Variants in FBLN2 observed in about 807,000 individuals in gnomAD.
FBLN2 encodes fibulin-2.
Under a neutral mutation model 123.7 loss-of-function variants are expected in FBLN2, and 81 were observed. The ratio of observed to expected loss-of-function variants is 0.65; its 90% CI spans 0.55 to 0.79. FBLN2 has a LOEUF of 0.79. Among genes scored for constraint, FBLN2 ranks in the 30% least tolerant of loss-of-function variants. The pLI, the probability that FBLN2 is intolerant of heterozygous loss-of-function variation, is 0.00. For synonymous variants in FBLN2, 699 were observed against 701.4 expected, an observed-to-expected ratio of 1.00 and a Z score of 0.05; for missense variants, 1,603 against 1,681.3, an observed-to-expected ratio of 0.95 and a Z score of 0.81.
At position 13,570,387 on chromosome 3, in the gene FBLN2, G is replaced by C; in HGVS notation, c.32G>C (p.Trp11Ser). ...CTGCTCTGGGAGCCTGCAGGAGCCT[G>C]GCTTGCTCTGGGCCTGGCCCTGGCC... Reference protein sequence around the residue: MVLLWEPAGAWLALGLALALG... With the variant: MVLLWEPAGASLALGLALALG... Residue 11 changes from tryptophan (W) to serine (S), a missense_variant, in exon 2 of 18, where the codon TGG (tryptophan) becomes TCG (serine). Coordinates refer to ENST00000404922, the MANE Select transcript of FBLN2 (RefSeq NM_001004019.2). 6.3e-7 allele frequency: 1 copy of C among 1,575,354 alleles called. No individual in the cohort carries two copies. Among genetic ancestry groups the C allele is most frequent in the Non-Finnish European group, 8.6e-7 (1 of 1,160,634 alleles).
At chr3:13,574,716 G>A (rs1704077955) in intron 2 of FBLN2, among the ~76,000 whole-genome samples, 1 of 152,120 alleles carries the variant, frequency 6.6e-6, no homozygotes, top group South Asian at 2.1e-4. Context: ...GCTGAGCAGG[G>A]CAAAGCCACC....
chr3:13,584,558 C>T (rs1469891163), intron 2 of FBLN2, among the ~76,000 whole-genome samples: 1 of 152,178 alleles, frequency 6.6e-6, no homozygotes, highest in African/African-American at 2.4e-5. Context: ...GCAGGGGAGA[C>T]TGGTGAGAGC....
In FBLN2 at chr3:13,633,445, C is replaced by T. The variant is rs74549488; in HGVS notation, c.3214+1988C>T. Reference sequence around the variant, plus strand: ...TGCCGCCCTCGCTTGCTCTCCAGACCTTCCTTCTGGAAGAGCCTTCTGACT... The same window carrying T: ...TGCCGCCCTCGCTTGCTCTCCAGACTTTCCTTCTGGAAGAGCCTTCTGACT... On this transcript the variant is annotated intron_variant, in intron 16 of 17. Transcript: ENST00000404922. Among the ~76,000 whole-genome samples, 1,846 of 152,388 alleles carry T rather than the reference C, an allele frequency of 0.012. 134 individuals are homozygous for T. In the East Asian group the frequency reaches 0.2, roughly 17 times the overall value.
chr3:13,590,347 A>G (rs1704630463), intron 2 of FBLN2, among the ~76,000 whole-genome samples: 1 of 150,002 alleles, frequency 6.7e-6, no homozygotes, highest in African/African-American at 2.5e-5. Flanking sequence ...ATTTATCGAG[A>G]CAGAGTCTCA....
In FBLN2 at chr3:13,625,753, C is replaced by T. The variant is rs78571429; in HGVS notation, c.2297-692C>T. Among the ~76,000 whole-genome samples, 1,259 of 151,956 alleles carry T rather than the reference C, an allele frequency of 8.3e-3. 14 individuals carry two copies. Among genetic ancestry groups the T allele is most frequent in the African/African-American group, 0.029 (1,197 of 41,384 alleles). Reference sequence around the variant, plus strand: ...GAATCTCCTGCCTGGATCCTCACCCCTATTCTCCAGCCCCTGCCAGGGATC... The same window carrying T: ...GAATCTCCTGCCTGGATCCTCACCCTTATTCTCCAGCCCCTGCCAGGGATC... On this transcript the variant is annotated intron_variant, in intron 9 of 17. Transcript: ENST00000404922.
chr3:13,599,496 G>T (rs1278419338), intron 2 of FBLN2, among the ~76,000 whole-genome samples: 2 of 152,216 alleles, frequency 1.3e-5, no homozygotes, highest in African/African-American at 4.8e-5. Flanking sequence ...TGTAAGGAAA[G>T]TGGAGACCAC....
Position 13,618,910 on chromosome 3 carries a change from A to G in FBLN2, c.1946A>G (p.His649Arg). The G allele has an allele frequency of 6.2e-7, 1 of 1,611,900 alleles. No individual in the cohort carries two copies. Among genetic ancestry groups the G allele is most frequent in the Non-Finnish European group, 8.5e-7 (1 of 1,179,156 alleles). The change falls in exon 7 of 18, where the codon CAC (histidine) becomes CGC (arginine). Residue 649 changes from histidine (H) to arginine (R), a missense_variant. By Grantham distance (29) the His-to-Arg change is conservative. Transcript: ENST00000404922. ...TCTGCTCTACCCATGACAGAGGGTC[A>G]CCCTCCACAGCCGGAAGCCCCACAG... ...DDGRTCRPEG[H>R]PPQPEAPQEP...
intron 3 of FBLN2, 46 bp downstream of exon 3, chr3:13,608,219 T>TC (rs1368810773): frequency 7.1e-7 from 1 of 1,405,592 alleles, no homozygotes; most frequent in African/African-American, 1.4e-5. Flanking sequence ...ATTTGCCTTC[T>TC]CCAGAACCCT....
At chr3:13,619,097 G>C in intron 7 of FBLN2, 80 bp downstream of exon 7, 2 of 1,044,098 alleles carry the variant, frequency 1.9e-6, no homozygotes, top group African/African-American at 1.6e-5. Flanking sequence ...GTGGTGAGCT[G>C]TCTGGTGCTG....
chr3:13,603,933 C>T (rs1705122345), intron 2 of FBLN2, among the ~76,000 whole-genome samples: 1 of 152,160 alleles, frequency 6.6e-6, no homozygotes, highest in South Asian at 2.1e-4. Context: ...ACCATTCTGA[C>T]TGGTGTGAGA....
rs1705328120 is a variant in FBLN2 at position 13,609,715 on chromosome 3, C to T, written c.1548+73C>T. ...GGGAGGCTGGCCTGGGCCTGAAGGT[C>T]CTCGTGGCCCAAGAAGTTAGGCTGT... On this transcript the variant is annotated intron_variant, in intron 4 of 17. Transcript: ENST00000404922. 6 of 1,520,002 alleles carry T rather than the reference C, an allele frequency of 3.9e-6. No individual in the cohort carries two copies. In the East Asian group the frequency reaches 1.5e-4, roughly 37 times the overall value. The allele number at this position is 1,520,002 out of a possible 1,614,324, so 94.2% of individuals were successfully genotyped here. A position where few individuals can be genotyped will look rare whatever the true frequency, so the allele number is the denominator to read the frequency against.
intron 1 of FBLN2, among the ~76,000 whole-genome samples, chr3:13,562,270 T>C (rs557668810): frequency 6.6e-6 from 1 of 152,268 alleles, no homozygotes; most frequent in South Asian, 2.1e-4. Context: ...TTCTCCCTGT[T>C]CTTTGGTTAT....
chr3:13,583,957 C>T (rs560964721), intron 2 of FBLN2, among the ~76,000 whole-genome samples: 448 of 152,318 alleles, frequency 2.9e-3, no homozygotes, highest in Admixed American at 5.4e-3. Context: ...TTAACTCCAG[C>T]GACTGTGGCC....
chr3:13,555,303 C>T (rs966973939), intron 1 of FBLN2, among the ~76,000 whole-genome samples: 1 of 152,054 alleles, frequency 6.6e-6, no homozygotes, highest in Non-Finnish European at 1.5e-5. Context: ...AGACAGAAAT[C>T]AGGATCACTT....
At chr3:13,602,049 C>A (rs893816280) in intron 2 of FBLN2, among the ~76,000 whole-genome samples, 1 of 152,232 alleles carries the variant, frequency 6.6e-6, no homozygotes, top group Admixed American at 6.5e-5. Context: ...CTGCTTCAGC[C>A]TCCCAGAGTT....
chr3:13,571,453 T>A lies in FBLN2; in HGVS notation c.1098T>A (p.Ala366=), dbSNP rs374252671. ...ATGCACCGAGCCTGGGCAAGGCTGC[T>A]CTCGTCCCAACTCAGGCCGTGCCTG... is the stretch of plus-strand genomic sequence containing the variant. ...VTHAPSLGKA[A]LVPTQAVPGS... Residue 366 remains alanine (A), a synonymous_variant, in exon 2 of 18, where the codon GCT becomes GCA. Coordinates refer to ENST00000404922, the MANE Select transcript of FBLN2 (RefSeq NM_001004019.2). 41 of 1,612,892 alleles carry A rather than the reference T, an allele frequency of 2.5e-5. No homozygotes were observed. The African/African-American group carries it at 4.9e-4, about 19-fold the overall frequency.
In FBLN2 at chr3:13,614,973, T is replaced by TATCCATCC. The variant is rs56688853; in HGVS notation, c.1729+852_1729+859dup. On this transcript the variant is annotated intron_variant, in intron 5 of 17. Coordinates refer to ENST00000404922, the MANE Select transcript of FBLN2 (RefSeq NM_001004019.2). ...CCATCCGTCTGTTCATCCATCTGCT[T>TATCCATCC]ATCCATCCATCCATCCATCCATCCA... 2.3e-3 allele frequency among the ~76,000 whole-genome samples: 324 copies of TATCCATCC among 143,328 alleles called. 1 individual carries two copies. The highest frequency in any genetic ancestry group is 4.5e-3 in the African/African-American group (174 of 38,848). 94.0% of individuals were successfully genotyped at this position (143,328 alleles called of 152,430 possible). A position where few individuals can be genotyped will look rare whatever the true frequency, so the allele number is the denominator to read the frequency against.
intron 2 of FBLN2, among the ~76,000 whole-genome samples, chr3:13,604,593 G>T (rs56089706): frequency 0.024 from 3,605 of 152,292 alleles, 83 homozygotes; most frequent in East Asian, 0.092. Flanking sequence ...TTGTTTTACT[G>T]CATTTGCTAG....
At position 13,629,254 on chromosome 3, in the gene FBLN2, C is replaced by A. The variant is rs1377187676; in HGVS notation, c.2804C>A (p.Ala935Asp). The stretch of plus-strand genomic sequence containing the variant: ...GGCTCCTACCGCTGTGACTGCAAAG[C>A]CGGCTTTCAGCGGGATGCCTTTGGC... ...LPGSYRCDCKAGFQRDAFGRG... is the reference protein window; with the variant it reads ...LPGSYRCDCKDGFQRDAFGRG... The change falls in exon 13 of 18, where the codon GCC (alanine) becomes GAC (aspartate). Residue 935 changes from alanine (A) to aspartate (D), a missense_variant. Coordinates refer to ENST00000404922, the MANE Select transcript of FBLN2 (RefSeq NM_001004019.2). The A allele has an allele frequency of 1.9e-6, 3 of 1,612,842 alleles. No homozygotes were observed. The highest frequency in any genetic ancestry group is 2.2e-5 in the East Asian group (1 of 44,858).
Sources: allele counts gnomAD v4.1 joint callset (sites outside exome capture counted in the v4.1 genomes callset), GRCh38; gene constraint gnomAD v4.1.1; transcripts MANE v1.5; gene names NCBI Gene and HGNC (gene_info 2026-07-23, HGNC 2026-07-21).